NCKAP5: variants seen among roughly 807,000 people sequenced by gnomAD.
The protein encoded by NCKAP5 is nck-associated protein 5.
NCKAP5 carries 92 observed loss-of-function variants against 167.0 expected under a neutral mutation model. That is an observed-to-expected ratio of 0.55 (90% CI 0.47 to 0.66). The LOEUF (loss-of-function observed/expected upper bound fraction) is 0.66, where lower values mean the gene tolerates loss of function less well. NCKAP5 is among the 30% of genes least tolerant of loss of function. NCKAP5 has a pLI of 0.00. For synonymous variants in NCKAP5, 891 were observed against 877.4 expected, an observed-to-expected ratio of 1.02 and a Z score of -0.27; for missense variants, 2,378 against 2,315.0, an observed-to-expected ratio of 1.03 and a Z score of -0.56.
chr2:133,583,143 A>C, the NCKAP5 span, among the ~76,000 whole-genome samples: 1 of 152,160 alleles, frequency 6.6e-6, no homozygotes, highest in Non-Finnish European at 1.5e-5. Context: ...ATATGATATG[A>C]TGTGGATGTT....
chr2:133,150,079 G>A (rs1005685304), intron 5 of NCKAP5, among the ~76,000 whole-genome samples: 1 of 152,140 alleles, frequency 6.6e-6, no homozygotes, highest in African/African-American at 2.4e-5. Context: ...ACTTAAGGGG[G>A]CAAGTGTATT....
chr2:132,834,998 A>G (rs773166358), intron 11 of NCKAP5, among the ~76,000 whole-genome samples: 4 of 152,068 alleles, frequency 2.6e-5, no homozygotes, highest in Admixed American at 2.6e-4. Flanking sequence ...TTTAATGCCT[A>G]CTTTGTTGAG....
chr2:133,052,949 A>T (rs1468965883), intron 6 of NCKAP5, among the ~76,000 whole-genome samples: 1 of 152,184 alleles, frequency 6.6e-6, no homozygotes, highest in Non-Finnish European at 1.5e-5. Flanking sequence ...GTAGGGAGAA[A>T]ACAAAATAAA....
At chr2:132,872,782 G>C (rs1489791354) in intron 9 of NCKAP5, among the ~76,000 whole-genome samples, 1 of 152,220 alleles carries the variant, frequency 6.6e-6, no homozygotes, top group Non-Finnish European at 1.5e-5. Flanking sequence ...GGTGTTCTAT[G>C]CTTCTGATCT....
chr2:133,575,190 T>C, the NCKAP5 span, among the ~76,000 whole-genome samples: 127,100 of 152,202 alleles, frequency 0.84, 53,305 homozygotes, highest in East Asian at 0.97. Context: ...TCCAAGGGAC[T>C]TGACCCTGGG....
intron 8 of NCKAP5, among the ~76,000 whole-genome samples, chr2:132,944,146 T>A (rs1410746303): frequency 6.6e-6 from 1 of 152,126 alleles, no homozygotes; most frequent in Non-Finnish European, 1.5e-5. Context: ...ACAGTGGTTA[T>A]CTAGCCCAAA....
At chr2:133,596,146 A>T in the NCKAP5 span, 1 of 158,094 alleles carries the variant, frequency 6.3e-6, no homozygotes, top group Non-Finnish European at 1.5e-5. Flanking sequence ...GCCAGGGTTG[A>T]TTTGACTGAT....
the NCKAP5 span, among the ~76,000 whole-genome samples, chr2:133,607,690 T>G: frequency 6.6e-6 from 1 of 152,234 alleles, no homozygotes; most frequent in East Asian, 1.9e-4. Flanking sequence ...AAAGCACTCA[T>G]GATTTTTAAA....
chr2:132,924,071 T>C (rs1236720710), intron 8 of NCKAP5, among the ~76,000 whole-genome samples: 1 of 152,178 alleles, frequency 6.6e-6, no homozygotes, highest in Non-Finnish European at 1.5e-5. Flanking sequence ...CAGAGCCAAG[T>C]GGTCACAGTG....
chr2:133,213,976 C>T (rs534363097), intron 4 of NCKAP5, among the ~76,000 whole-genome samples, 197 bp from the exon 5 acceptor site: 2 of 152,026 alleles, frequency 1.3e-5, no homozygotes, highest in Non-Finnish European at 2.9e-5. Context: ...ATGAAATTTG[C>T]CATAGATTTT....
intron 16 of NCKAP5, among the ~76,000 whole-genome samples, chr2:132,759,531 A>G (rs1558731578): frequency 1.3e-5 from 2 of 152,202 alleles, no homozygotes; most frequent in Admixed American, 1.3e-4. Context: ...AGAAATAAAA[A>G]CAAAACAAAA....
intron 3 of NCKAP5, among the ~76,000 whole-genome samples, chr2:133,335,965 G>C (rs1683185293): frequency 6.6e-6 from 1 of 152,122 alleles, no homozygotes; most frequent in African/African-American, 2.4e-5. Context: ...TCTTGCTCTT[G>C]AGAACACACT....
intron 6 of NCKAP5, among the ~76,000 whole-genome samples, chr2:133,045,606 G>C (rs2079371390): frequency 6.6e-6 from 1 of 152,116 alleles, no homozygotes; most frequent in Non-Finnish European, 1.5e-5. Flanking sequence ...GCCTGAAATA[G>C]TGAATAGTAT....
At chr2:133,350,163 G>A (rs1008396595) in intron 3 of NCKAP5, among the ~76,000 whole-genome samples, 2 of 152,158 alleles carry the variant, frequency 1.3e-5, no homozygotes, top group Admixed American at 6.5e-5. Context: ...TATGGTTCCA[G>A]AACTTTGGGA....
At chr2:133,379,847 C>G (rs560092421) in intron 3 of NCKAP5, among the ~76,000 whole-genome samples, 1 of 152,210 alleles carries the variant, frequency 6.6e-6, no homozygotes, top group Non-Finnish European at 1.5e-5. Flanking sequence ...GTAAGATATT[C>G]TGTGAGAAGT....
intron 19 of NCKAP5, among the ~76,000 whole-genome samples, chr2:132,720,321 C>T (rs1030587502): frequency 6.6e-6 from 1 of 152,244 alleles, no homozygotes; most frequent in South Asian, 2.1e-4. Flanking sequence ...CTGCTCCCCC[C>T]ACTGACTCTG....
At chr2:133,579,413 G>C in the NCKAP5 span, among the ~76,000 whole-genome samples, 3 of 152,188 alleles carry the variant, frequency 2.0e-5, no homozygotes, top group African/African-American at 7.2e-5. Context: ...AGAACTCAAA[G>C]GGTCAGGTCA....
chr2:132,892,607 T>C lies in NCKAP5; in HGVS notation c.580-13691A>G, dbSNP rs371549609. Among the ~76,000 whole-genome samples, 5 of 152,336 alleles carry C rather than the reference T, an allele frequency of 3.3e-5. No homozygotes were observed. The East Asian group carries it at 9.6e-4, about 29-fold the overall frequency. On this transcript the variant is annotated intron_variant, in intron 8 of 19. Transcript: ENST00000409261. ...TTGTGGCATTAACCACCAGGTATTT[T>C]AGAAGTTAAACTATGCAAAACTCAT... is the stretch of plus-strand genomic sequence containing the variant.
chr2:133,120,972 T>G (rs1184945056), intron 6 of NCKAP5, among the ~76,000 whole-genome samples: 4 of 152,206 alleles, frequency 2.6e-5, no homozygotes, highest in African/African-American at 9.6e-5. Context: ...TTTTTTTTAA[T>G]GCTTATGATG....
Sources: gnomAD v4.1 joint callset for allele counts (sites outside exome capture counted in the v4.1 genomes callset) on GRCh38, gnomAD v4.1.1 for gene constraint, MANE v1.5 for transcripts, NCBI Gene and HGNC (gene_info 2026-07-23, HGNC 2026-07-21) for gene names.